RIMS1: variants seen among roughly 807,000 people sequenced by gnomAD.
RIMS1 encodes regulating synaptic membrane exocytosis 1, also known as regulating synaptic membrane exocytosis protein 1.
RIMS1 carries 83 observed loss-of-function variants against 214.1 expected under a neutral mutation model. The observed-to-expected ratio is 0.39, with a 90% CI of 0.32 to 0.47. The LOEUF is 0.47. RIMS1 is among the 20% of genes least tolerant of loss of function. The probability of loss-of-function intolerance (pLI) is 0.99; values close to 1 mark genes in which losing one functional copy is unlikely to be tolerated. For missense variants in RIMS1, 2,050 were observed against 2,161.8 expected (o/e 0.95, Z 1.03); for synonymous variants, 793 against 786.8 (o/e 1.01, Z -0.13).
intron 2 of RIMS1, among the ~76,000 whole-genome samples, chr6:72,092,291 C>CCCTCCCTCCCTTCCTTCCTTCCTT (rs745668426): frequency 1.3e-4 from 14 of 107,988 alleles, no homozygotes; most frequent in South Asian, 7.2e-4. Context: ...CTCCCTCCCT[C>CCCTCCCTCCCTTCCTTCCTTCCTT]CCTTCCTTCC....
intron 26 of RIMS1, among the ~76,000 whole-genome samples, chr6:72,303,444 T>C (rs1422558701): frequency 6.6e-6 from 1 of 151,206 alleles, no homozygotes; most frequent in Non-Finnish European, 1.5e-5. Flanking sequence ...GTTATTTTAA[T>C]ATCTTTATTT....
At chr6:72,381,958 A>C (rs1462975359) in intron 29 of RIMS1, among the ~76,000 whole-genome samples, 1 of 152,234 alleles carries the variant, frequency 6.6e-6, no homozygotes, top group Non-Finnish European at 1.5e-5. Flanking sequence ...GTGGATAAGT[A>C]CATCACTAGG....
At chr6:71,915,473 T>TC (rs1778096989) in intron 1 of RIMS1, among the ~76,000 whole-genome samples, 2 of 152,154 alleles carry the variant, frequency 1.3e-5, no homozygotes, top group Non-Finnish European at 2.9e-5. Context: ...ATGCCTTCTT[T>TC]CCACACACCT....
intron 2 of RIMS1, among the ~76,000 whole-genome samples, chr6:72,060,062 C>A (rs1180757646): frequency 6.6e-6 from 1 of 151,936 alleles, no homozygotes; most frequent in Admixed American, 6.6e-5. Flanking sequence ...CCTCAGCCTC[C>A]CGAGTAGCTA....
At chr6:72,104,087 C>T (rs562289884) in intron 4 of RIMS1, among the ~76,000 whole-genome samples, 8 of 151,976 alleles carry the variant, frequency 5.3e-5, no homozygotes, top group African/African-American at 1.4e-4. Flanking sequence ...CTTATTAATC[C>T]GTATAAGTCA....
At chr6:72,093,991 T>C (rs1202978749) in intron 2 of RIMS1, among the ~76,000 whole-genome samples, 1 of 152,226 alleles carries the variant, frequency 6.6e-6, no homozygotes, top group African/African-American at 2.4e-5. Context: ...AGAATTTGCA[T>C]ACTTTCCAGC....
At chr6:72,012,692 A>G (rs1200334921) in intron 2 of RIMS1, among the ~76,000 whole-genome samples, 1 of 152,182 alleles carries the variant, frequency 6.6e-6, no homozygotes, top group Non-Finnish European at 1.5e-5. Flanking sequence ...AGATGTACAC[A>G]GCAAGGTTAT....
chr6:72,161,237 C>T (rs2045357066), intron 4 of RIMS1, among the ~76,000 whole-genome samples: 2 of 140,376 alleles, frequency 1.4e-5, no homozygotes, highest in Non-Finnish European at 3.2e-5. Context: ...GTGATATCCC[C>T]TTTATCAGTT....
intron 22 of RIMS1, among the ~76,000 whole-genome samples, chr6:72,270,182 T>C (rs936785937): frequency 6.6e-6 from 1 of 152,192 alleles, no homozygotes; most frequent in African/African-American, 2.4e-5. Flanking sequence ...AATCAACAGC[T>C]ATAAATTGAA....
intron 1 of RIMS1, among the ~76,000 whole-genome samples, chr6:71,927,063 T>A (rs1781764130): frequency 6.6e-6 from 1 of 152,130 alleles, no homozygotes; most frequent in African/African-American, 2.4e-5. Flanking sequence ...GTGAACTTTA[T>A]CTGAACTGAT....
intron 1 of RIMS1, among the ~76,000 whole-genome samples, chr6:71,963,416 A>T (rs1793529276): frequency 6.6e-6 from 1 of 152,164 alleles, no homozygotes; most frequent in Admixed American, 6.6e-5. Context: ...TTGGTACATG[A>T]TAGGTATTAA....
intron 28 of RIMS1, among the ~76,000 whole-genome samples, chr6:72,331,603 G>T (rs2096660366): frequency 6.6e-6 from 1 of 151,838 alleles, no homozygotes; most frequent in Non-Finnish European, 1.5e-5. Flanking sequence ...ATTCAAATAT[G>T]TTGGTGAAGA....
At chr6:72,160,990 T>A (rs1186597331) in intron 4 of RIMS1, among the ~76,000 whole-genome samples, 1 of 139,766 alleles carries the variant, frequency 7.2e-6, no homozygotes, top group East Asian at 2.0e-4. Context: ...TTGGTAGAAT[T>A]TGGCTGTGAA....
intron 26 of RIMS1, 118 bp from the exon 27 acceptor site, chr6:72,307,140 T>G: frequency 1.5e-6 from 1 of 665,002 alleles, no homozygotes; most frequent in Non-Finnish European, 2.7e-6. Flanking sequence ...ATTAATCATG[T>G]GTTATTTCTA....
chr6:72,041,238 T>C (rs543765511), intron 2 of RIMS1, among the ~76,000 whole-genome samples: 9 of 152,064 alleles, frequency 5.9e-5, no homozygotes, highest in African/African-American at 2.2e-4. Flanking sequence ...AGACAGAGCA[T>C]TGCATTCTGG....
At chr6:72,198,749 A>T (rs973372577) in intron 6 of RIMS1, among the ~76,000 whole-genome samples, 1 of 151,930 alleles carries the variant, frequency 6.6e-6, no homozygotes, top group Non-Finnish European at 1.5e-5. Flanking sequence ...CTATGGGTGT[A>T]ACAAAATAGT....
intron 2 of RIMS1, among the ~76,000 whole-genome samples, chr6:72,026,082 G>A (rs1446415211): frequency 1.3e-5 from 2 of 152,110 alleles, no homozygotes; most frequent in Non-Finnish European, 2.9e-5. Context: ...TATTTTATTA[G>A]CCTTACAGAC....
At chr6:72,128,584 A>G (rs1046413087) in intron 4 of RIMS1, among the ~76,000 whole-genome samples, 1 of 152,220 alleles carries the variant, frequency 6.6e-6, no homozygotes. Flanking sequence ...TTCTTCAAGA[A>G]TGGGGAATCT....
At chr6:72,252,018 A>G (rs2073604032) in intron 15 of RIMS1, among the ~76,000 whole-genome samples, 1 of 152,170 alleles carries the variant, frequency 6.6e-6, no homozygotes, top group African/African-American at 2.4e-5. Flanking sequence ...CAGCCAGTTC[A>G]TAGATATTTT....
Sources: gnomAD v4.1 joint callset for allele counts (sites outside exome capture counted in the v4.1 genomes callset) on GRCh38, gnomAD v4.1.1 for gene constraint, MANE v1.5 for transcripts, NCBI Gene and HGNC (gene_info 2026-07-23, HGNC 2026-07-21) for gene names.